Variants in SIL1 observed in about 807,000 individuals in gnomAD.
The protein encoded by SIL1 is SIL1 nucleotide exchange factor, also known as nucleotide exchange factor SIL1.
In SIL1, 40 loss-of-function variants were observed where a neutral mutation model predicts 49.1. The ratio of observed to expected loss-of-function variants is 0.81; its 90% CI spans 0.63 to 1.06. The LOEUF (loss-of-function observed/expected upper bound fraction) is 1.06. SIL1 is among the 50% of genes least tolerant of loss of function. The pLI, the probability that SIL1 is intolerant of heterozygous loss-of-function variation, is 0.00. For missense variants in SIL1, 500 were observed against 572.6 expected (o/e 0.87, Z 1.29); for synonymous variants, 253 against 250.8 (o/e 1.01, Z -0.08).
At chr5:139,140,324 T>G (rs1004721793) in intron 1 of SIL1, among the ~76,000 whole-genome samples, 4 of 151,102 alleles carry the variant, frequency 2.6e-5, no homozygotes, top group African/African-American at 9.7e-5. Flanking sequence ...TAGGCAATAA[T>G]TAGGGTACTC....
rs138828171 is a variant in SIL1 at position 139,078,910 on chromosome 5, G to T, written c.245-27864C>A. ...CTTTCTAGACCAGCACTGTCCAATA[G>T]AACTTTCTGCAATGACAGAAATGTT... On this transcript the variant is annotated intron_variant, in intron 3 of 9. Transcript: ENST00000394817. Among the ~76,000 whole-genome samples, 550 of 152,338 alleles carry T rather than the reference G, an allele frequency of 3.6e-3. 6 individuals carry two copies. Among genetic ancestry groups the T allele is most frequent in the African/African-American group, 0.012 (508 of 41,578 alleles).
intron 7 of SIL1, among the ~76,000 whole-genome samples, chr5:139,003,725 T>TA (rs1296117826): frequency 6.6e-6 from 1 of 152,182 alleles, no homozygotes; most frequent in Non-Finnish European, 1.5e-5. Flanking sequence ...TGAAAGCTGG[T>TA]AGGAGGTAAG....
chr5:139,150,008 T>C (rs1751266847), intron 1 of SIL1, among the ~76,000 whole-genome samples: 1 of 152,240 alleles, frequency 6.6e-6, no homozygotes, highest in South Asian at 2.1e-4. Context: ...GCAACTTGCA[T>C]AACACAGTCA....
chr5:139,122,339 T>C (rs1750657813), intron 2 of SIL1, among the ~76,000 whole-genome samples: 1 of 152,116 alleles, frequency 6.6e-6, no homozygotes, highest in Non-Finnish European at 1.5e-5. Context: ...ACACCTATAA[T>C]CCCAGCACTT....
chr5:139,162,456 T>C (rs1469576759), intron 1 of SIL1, among the ~76,000 whole-genome samples: 1 of 151,258 alleles, frequency 6.6e-6, no homozygotes, highest in East Asian at 1.9e-4. Flanking sequence ...AACCACAAAC[T>C]CCCCCTTCCA....
chr5:139,111,756 C>A (rs1329950446), intron 3 of SIL1, among the ~76,000 whole-genome samples: 1 of 152,196 alleles, frequency 6.6e-6, no homozygotes, highest in Non-Finnish European at 1.5e-5. Flanking sequence ...CTTTCTTCAT[C>A]TCCTCATCTC....
chr5:139,188,991 C>G (rs1030109120), intron 1 of SIL1, among the ~76,000 whole-genome samples: 5 of 152,204 alleles, frequency 3.3e-5, no homozygotes, highest in African/African-American at 1.2e-4. Context: ...CATGAAATAC[C>G]TATAACTATT....
chr5:139,111,421 C>A (rs1218216493), intron 3 of SIL1, among the ~76,000 whole-genome samples: 1 of 152,176 alleles, frequency 6.6e-6, no homozygotes, highest in Non-Finnish European at 1.5e-5. Flanking sequence ...ACACTGATTC[C>A]TTTCCCCTCT....
At chr5:139,005,308 T>C (rs534899145) in intron 7 of SIL1, among the ~76,000 whole-genome samples, 1 of 152,080 alleles carries the variant, frequency 6.6e-6, no homozygotes, top group African/African-American at 2.4e-5. Context: ...AATCTGTCCA[T>C]TGTCACTTTT....
chr5:139,006,842 A>T (rs867187531), intron 7 of SIL1, among the ~76,000 whole-genome samples: 2,762 of 148,330 alleles, frequency 0.019, 33 homozygotes, highest in South Asian at 0.059. Flanking sequence ...TACCAGTACC[A>T]TGCTGTTTTG....
intron 7 of SIL1, among the ~76,000 whole-genome samples, chr5:138,961,952 CTTTTTTTT>C (rs10593901): frequency 8.4e-6 from 1 of 119,738 alleles, no homozygotes; most frequent in Non-Finnish European, 1.7e-5. Context: ...GTTCTCTAGA[CTTTTTTTT>C]TTTTTTTTTT....
chr5:138,963,925 C>T (rs1767080007), intron 7 of SIL1, among the ~76,000 whole-genome samples: 1 of 152,204 alleles, frequency 6.6e-6, no homozygotes, highest in Non-Finnish European at 1.5e-5. Context: ...GATCCGCTGA[C>T]TCCTCAGCTA....
chr5:139,093,071 G>A (rs1770377621), intron 3 of SIL1, among the ~76,000 whole-genome samples: 1 of 152,146 alleles, frequency 6.6e-6, no homozygotes, highest in Non-Finnish European at 1.5e-5. Flanking sequence ...TGAAACGCGA[G>A]GACTTGCTTG....
intron 1 of SIL1, among the ~76,000 whole-genome samples, chr5:139,155,063 T>C (rs1254016006): frequency 2.0e-5 from 3 of 152,248 alleles, no homozygotes; most frequent in Non-Finnish European, 4.4e-5. Context: ...TTTTGGCTGA[T>C]AGCTAACAGA....
In SIL1 at chr5:139,197,282, A is replaced by C. The variant is rs1354676436; in HGVS notation, c.-11+987T>G. ...AAACTCCGCCTCAAAAAAAAAAAAA[A>C]AAAAAAAAAACTGTTTATAAACACA... On this transcript the variant is annotated intron_variant, in intron 1 of 9. Transcript: ENST00000394817. Among the ~76,000 whole-genome samples the C allele has an allele frequency of 5.3e-5, 8 of 151,718 alleles. No homozygotes were observed. In the South Asian group the frequency reaches 8.3e-4, roughly 16 times the overall value.
chr5:139,129,928 T>A (rs1212454408), intron 1 of SIL1, among the ~76,000 whole-genome samples: 1 of 152,154 alleles, frequency 6.6e-6, no homozygotes, highest in African/African-American at 2.4e-5. Flanking sequence ...TATTATCAAA[T>A]AGTGAAAAGA....
intron 3 of SIL1, among the ~76,000 whole-genome samples, chr5:139,057,293 G>A (rs1769470890): frequency 1.0e-5 from 1 of 98,222 alleles, no homozygotes; most frequent in Non-Finnish European, 2.1e-5. Flanking sequence ...CCCTCTGCGA[G>A]AAACACCCAA....
At chr5:139,027,593 C>T (rs777225082) in intron 5 of SIL1, among the ~76,000 whole-genome samples, 4 of 152,212 alleles carry the variant, frequency 2.6e-5, no homozygotes, top group African/African-American at 4.8e-5. Context: ...ATGTACTATA[C>T]TCAAATCTCG....
intron 1 of SIL1, among the ~76,000 whole-genome samples, chr5:139,187,402 A>T (rs2151822028): frequency 6.6e-6 from 1 of 152,218 alleles, no homozygotes; most frequent in East Asian, 1.9e-4. Flanking sequence ...CTGTGGTCCC[A>T]GCTACTTGGG....
Sources: allele counts gnomAD v4.1 joint callset (sites outside exome capture counted in the v4.1 genomes callset), GRCh38; gene constraint gnomAD v4.1.1; transcripts MANE v1.5; gene names NCBI Gene and HGNC (gene_info 2026-07-23, HGNC 2026-07-21).